The following WDR11 variants were observed in gnomAD, a reference collection of about 807,000 sequenced individuals.
WDR11 encodes WD repeat-containing protein 11.
WDR11 carries 83 observed loss-of-function variants against 151.2 expected under a neutral mutation model. The ratio of observed to expected loss-of-function variants is 0.55; its 90% CI spans 0.46 to 0.66. WDR11 has a LOEUF of 0.66. Ranked by LOEUF, WDR11 falls within the 30% of genes least tolerant of loss-of-function variation. The pLI is 0.00. For synonymous variants in WDR11, 484 were observed against 533.1 expected (o/e 0.91, Z 1.27); for missense variants, 1,301 against 1,480.9 (o/e 0.88, Z 1.99).
intron 11 of WDR11, among the ~76,000 whole-genome samples, chr10:120,875,978 CTTT>C (rs67775105): frequency 4.1e-5 from 5 of 122,806 alleles, no homozygotes; most frequent in Admixed American, 9.2e-5. Context: ...CCTTTTTTTT[CTTT>C]TTTTTTTTTT....
rs373763893 is a variant in WDR11, at chr10:120,874,186, T to TG, written c.1556+263_1556+264insG. Among the ~76,000 whole-genome samples, 20,447 of 96,838 alleles carry TG rather than the reference T, an allele frequency of 0.21. 1,925 individuals carry two copies. Among genetic ancestry groups the TG allele is most frequent in the Non-Finnish European group, 0.24 (10,785 of 45,620 alleles). The allele number at this position is 96,838 out of a possible 152,430, so 63.5% of individuals were successfully genotyped here. A position where few individuals can be genotyped will look rare whatever the true frequency, so the allele number is the denominator to read the frequency against. ...ATTGCGGTTTTTGCAGTTTTTTTTTTTTTTTTGTTGTTGTTGTTGTTGTTT... is the reference window on the plus strand; with the variant it reads ...ATTGCGGTTTTTGCAGTTTTTTTTTTGTTTTTTGTTGTTGTTGTTGTTGTTT... On this transcript the variant is annotated intron_variant, in intron 11 of 28. Coordinates refer to ENST00000263461, the MANE Select transcript of WDR11 (RefSeq NM_018117.12).
chr10:120,877,851 G>A (rs981181291), intron 11 of WDR11, among the ~76,000 whole-genome samples: 2 of 152,184 alleles, frequency 1.3e-5, no homozygotes, highest in Admixed American at 6.5e-5. Flanking sequence ...CAAAGTGTGT[G>A]TGTTTTTAAA....
chr10:120,908,401 G>C, intron 28 of WDR11, 155 bp from the exon 29 acceptor site: 1 of 755,014 alleles, frequency 1.3e-6, no homozygotes, highest in Non-Finnish European at 2.3e-6. Flanking sequence ...CCCGCGAAAA[G>C]TCTCCTGTGT....
At chr10:120,868,221 A>G (rs1846383666) in intron 9 of WDR11, among the ~76,000 whole-genome samples, 7 of 152,146 alleles carry the variant, frequency 4.6e-5, no homozygotes, top group Admixed American at 4.6e-4. Flanking sequence ...TTGGAGGCCG[A>G]GGCGGGAGGA....
chr10:120,905,473 C>T, intron 26 of WDR11, 57 bp downstream of exon 26: 15 of 1,573,058 alleles, frequency 9.5e-6, no homozygotes, highest in Non-Finnish European at 1.3e-5. Context: ...AAAGCTCAGT[C>T]CTGAACTTTG....
intron 13 of WDR11, among the ~76,000 whole-genome samples, chr10:120,882,201 T>C (rs944953822): frequency 3.9e-5 from 6 of 152,220 alleles, no homozygotes; most frequent in Admixed American, 3.3e-4. Flanking sequence ...AACATGACAT[T>C]CCCGGAATAA....
intron 23 of WDR11, among the ~76,000 whole-genome samples, chr10:120,903,758 A>G (rs1338512488): frequency 6.6e-6 from 1 of 152,176 alleles, no homozygotes; most frequent in Admixed American, 6.5e-5. Flanking sequence ...TTCACATGAT[A>G]ATTTCTTTAA....
At chr10:120,888,145 C>A (rs1016193476) in intron 16 of WDR11, among the ~76,000 whole-genome samples, 2 of 152,104 alleles carry the variant, frequency 1.3e-5, no homozygotes, top group African/African-American at 2.4e-5. Flanking sequence ...AATAAAATTT[C>A]TTTTAATAAA....
Position 120,866,560 on chromosome 10 carries a change from T to C in WDR11, c.995-9T>C. 1 of 1,614,156 alleles carries C rather than the reference T, an allele frequency of 6.2e-7. No individual in the cohort carries two copies. The highest frequency in any genetic ancestry group is 1.3e-5 in the African/African-American group (1 of 75,038). On this transcript the variant is annotated splice_polypyrimidine_tract_variant and intron_variant, in intron 7 of 28. Coordinates refer to ENST00000263461, the MANE Select transcript of WDR11 (RefSeq NM_018117.12). Reference sequence around the variant, plus strand: ...TGCTTTCTGATATTTAAAACAATTTTATGTGAAGATCCAGATCCAGTTCAG... The same window carrying C: ...TGCTTTCTGATATTTAAAACAATTTCATGTGAAGATCCAGATCCAGTTCAG...
Position 120,886,726 on chromosome 10 carries a change from C to G in WDR11, c.2011C>G (p.Gln671Glu). Residue 671 changes from glutamine to glutamate, a missense_variant, in exon 16 of 29, where the codon CAG becomes GAG. By Grantham distance (29) the Gln-to-Glu change is conservative. Coordinates refer to ENST00000263461, the MANE Select transcript of WDR11 (RefSeq NM_018117.12). ...QEAESKSELS[Q>E]NISAREHFVF... is the part of the protein sequence containing the mutation. ...GGCAGAAAGTAAATCTGAACTTAGT[C>G]AGAACATCTCTGCCCGGGAACATTT... The G allele has an allele frequency of 6.2e-7, 1 of 1,613,938 alleles. No homozygotes were observed. Among genetic ancestry groups the G allele is most frequent in the Non-Finnish European group, 8.5e-7 (1 of 1,179,938 alleles).
chr10:120,875,411 G>C (rs1846729783), intron 11 of WDR11, among the ~76,000 whole-genome samples: 1 of 152,186 alleles, frequency 6.6e-6, no homozygotes, highest in Non-Finnish European at 1.5e-5. Flanking sequence ...TACCTGTGCT[G>C]TCCATAGCAT....
intron 3 of WDR11, 114 bp from the exon 4 acceptor site, chr10:120,859,995 G>C: frequency 8.4e-7 from 1 of 1,192,024 alleles, no homozygotes. Context: ...TTTGGGGCTG[G>C]TGGTTAAGTT....
intron 19 of WDR11, among the ~76,000 whole-genome samples, chr10:120,895,326 G>T (rs970372377): frequency 2.0e-5 from 3 of 152,082 alleles, no homozygotes; most frequent in African/African-American, 7.2e-5. Context: ...GCTGACTTGA[G>T]AATTATATAG....
At position 120,869,199 on chromosome 10, in the gene WDR11, C is replaced by T. The variant is rs866525555; in HGVS notation, c.1295-1971C>T. Among the ~76,000 whole-genome samples the T allele has an allele frequency of 1.1e-4, 16 of 149,834 alleles. No homozygotes were observed. The South Asian group carries it at 3.2e-3, about 30-fold the overall frequency. The stretch of plus-strand genomic sequence containing the variant: ...GATCTCGGCTCACTGCAAGCTCCGC[C>T]TCCCGGGTTCACGCCATTCTCCTGC... On this transcript the variant is annotated intron_variant, in intron 9 of 28. Coordinates refer to ENST00000263461, the MANE Select transcript of WDR11 (RefSeq NM_018117.12).
intron 15 of WDR11, 135 bp downstream of exon 15, chr10:120,886,073 G>C (rs1338164224): frequency 2.8e-6 from 3 of 1,089,090 alleles, no homozygotes; most frequent in Admixed American, 2.1e-5. Context: ...TCATCTTTCA[G>C]TACATACCCA....
chr10:120,909,207 T>C lies in WDR11; in HGVS notation c.*494T>C, dbSNP rs1440427635. 6.3e-6 allele frequency: 1 copy of C among 159,124 alleles called. No homozygotes were observed. Among genetic ancestry groups the C allele is most frequent in the Non-Finnish European group, 1.4e-5 (1 of 71,756 alleles). The allele number at this position is 159,124 out of a possible 1,614,324, so 9.9% of individuals were successfully genotyped here. A position where few individuals can be genotyped will look rare whatever the true frequency, so the allele number is the denominator to read the frequency against. ...TAAAGGTAGTTTACCAAAGCATTTT[T>C]TGTTTTCTTACCTTGAAAACACAGA... On this transcript the variant is annotated 3_prime_UTR_variant, in exon 29 of 29. Coordinates refer to ENST00000263461, the MANE Select transcript of WDR11 (RefSeq NM_018117.12).
At position 120,890,791 on chromosome 10, in the gene WDR11, G is replaced by C. The variant is rs770473894; in HGVS notation, c.2419G>C (p.Asp807His). 6.2e-7 allele frequency: 1 copy of C among 1,614,216 alleles called. No individual in the cohort carries two copies. The highest frequency in any genetic ancestry group is 1.7e-5 in the Admixed American group (1 of 60,030). ...ATTGGATGTGGACTGGTGTACGTCA[G>C]ATAAAGTGATCTTGGCCTCAGATGA... is the stretch of plus-strand genomic sequence containing the variant. ...RILDVDWCTSDKVILASDDGC... is the reference protein window; with the variant it reads ...RILDVDWCTSHKVILASDDGC... Residue 807 changes from aspartate (D) to histidine (H), a missense_variant, in exon 19 of 29, where the codon GAT becomes CAT. Physicochemically the swap from Asp to His is moderately conservative, Grantham distance 81. Around this residue, in one of 3 missense-constraint regions of WDR11, gnomAD observed 589 missense variants for 670.6 expected, o/e 0.88. Transcript: ENST00000263461.
chr10:120,878,733 C>T (rs1049330108), intron 12 of WDR11, among the ~76,000 whole-genome samples: 1 of 152,086 alleles, frequency 6.6e-6, no homozygotes, highest in African/African-American at 2.4e-5. Flanking sequence ...CTTTTAAGTG[C>T]ATTGTTATAT....
intron 11 of WDR11, among the ~76,000 whole-genome samples, chr10:120,875,271 A>T (rs1846724918): frequency 6.6e-6 from 1 of 152,238 alleles, no homozygotes; most frequent in South Asian, 2.1e-4. Context: ...TTTAAACATC[A>T]TCAGAACGCT....
Sources: gnomAD v4.1 joint callset for allele counts (sites outside exome capture counted in the v4.1 genomes callset) on GRCh38, gnomAD v4.1.1 for gene constraint, gnomAD v4.1.1 regional missense constraint, MANE v1.5 for transcripts, NCBI Gene and HGNC (gene_info 2026-07-23, HGNC 2026-07-21) for gene names.